The following SERPINB1 variants were observed in gnomAD, a reference collection of about 807,000 sequenced individuals.
SERPINB1 encodes leukocyte elastase inhibitor.
In SERPINB1, 23 loss-of-function variants were observed where a neutral mutation model predicts 25.9. The ratio of observed to expected loss-of-function variants is 0.89; its 90% CI spans 0.64 to 1.26. The LOEUF is 1.26. Among genes scored for constraint, SERPINB1 ranks in the 50% most tolerant of loss-of-function variants. The pLI is 0.00. For synonymous variants in SERPINB1, 178 were observed against 178.7 expected (o/e 1.00, Z 0.03); for missense variants, 399 against 463.6 (o/e 0.86, Z 1.28).
Position 2,840,538 on chromosome 6 carries a change from G to C in SERPINB1, c.49C>G (p.Leu17Val), listed in dbSNP as rs552426410. Reference protein sequence around the residue: ...ANTRFALDLFLALSENNPAGN... With the variant: ...ANTRFALDLFVALSENNPAGN... ...GCCGGATTGTTCTCACTCAACGCCA[G>C]GAACAGGTCCAAGGCGAAGCGGGTG... is the stretch of plus-strand genomic sequence containing the variant. The change falls in exon 2 of 7, where the codon CTG becomes GTG. Residue 17 changes from leucine (L) to valine (V), a missense_variant. Leu to Val is a conservative substitution (Grantham distance 32). Transcript: ENST00000380739. 3 of 1,614,204 alleles carry C rather than the reference G, an allele frequency of 1.9e-6. No individual in the cohort carries two copies. In the African/African-American group the frequency reaches 4.0e-5, roughly 22 times the overall value.
intron 1 of SERPINB1, among the ~76,000 whole-genome samples, chr6:2,840,970 C>T (rs1357288403): frequency 1.3e-5 from 2 of 152,182 alleles, no homozygotes; most frequent in African/African-American, 2.4e-5. Flanking sequence ...TGGGAGCGCA[C>T]GTGCTTCTGA....
In SERPINB1 at chr6:2,838,801, G is replaced by T. The variant is rs1019521718; in HGVS notation, c.169-115C>A. On this transcript the variant is annotated intron_variant, in intron 2 of 6. Coordinates refer to ENST00000380739, the MANE Select transcript of SERPINB1 (RefSeq NM_030666.4). ...TGTGTTTTTATTACTAATTATTGAT[G>T]ATCCCAAACCCAATACTTTATTAAT... 9 of 837,542 alleles carry T rather than the reference G, an allele frequency of 1.1e-5. No individual in the cohort carries two copies. The South Asian group carries it at 1.7e-4, about 15-fold the overall frequency. The allele number at this position is 837,542 out of a possible 1,614,324, so 51.9% of individuals were successfully genotyped here. A position where few individuals can be genotyped will look rare whatever the true frequency, so the allele number is the denominator to read the frequency against.
Position 2,832,937 on chromosome 6 carries a change from TC to T in SERPINB1, c.*670del, listed in dbSNP as rs1766378614. 1 of 152,254 alleles carries T rather than the reference TC, an allele frequency of 6.6e-6. No homozygotes were observed. The highest frequency in any genetic ancestry group is 2.4e-5 in the African/African-American group (1 of 41,458). The allele number at this position is 152,254 out of a possible 1,614,324, so 9.4% of individuals were successfully genotyped here. The stretch of plus-strand genomic sequence containing the variant: ...TGGTTATTTTTGTAGACTCTTGGTA[TC>T]TTTTATCCTAAGACACCCACTTCTT... On this transcript the variant is annotated 3_prime_UTR_variant, in exon 7 of 7. Coordinates refer to ENST00000380739, the MANE Select transcript of SERPINB1 (RefSeq NM_030666.4).
intron 2 of SERPINB1, among the ~76,000 whole-genome samples, chr6:2,839,110 T>C (rs923636166): frequency 2.6e-5 from 4 of 152,194 alleles, no homozygotes; most frequent in African/African-American, 9.7e-5. Context: ...ACCACAAAGA[T>C]AGTACAGACT....
chr6:2,833,748 C>T lies in SERPINB1; in HGVS notation c.1000G>A (p.Ala334Thr), dbSNP rs1766406684. The T allele has an allele frequency of 6.2e-7, 1 of 1,614,106 alleles. No individual in the cohort carries two copies. The highest frequency in any genetic ancestry group is 2.2e-5 in the East Asian group (1 of 44,890). Residue 334 changes from alanine (A) to threonine (T), a missense_variant, in exon 7 of 7, where the codon GCA becomes ACA. Ala to Thr is a moderately conservative substitution (Grantham distance 58). Transcript: ENST00000380739. The stretch of plus-strand genomic sequence containing the variant: ...GTTGCGATGCCTGCTGTGGCAGCTG[C>T]CGCCTCTGTTCCCTCTTCATTCACT... ...VEVNEEGTEA[A>T]AATAGIATFC...
chr6:2,834,310 T>TCCAC (rs56301805), intron 6 of SERPINB1, among the ~76,000 whole-genome samples: 67,658 of 150,096 alleles, frequency 0.45, 16,948 homozygotes, highest in Admixed American at 0.58. Flanking sequence ...CATCCATCCA[T>TCCAC]CCATCCATCC....
chr6:2,834,135 GC>G (rs199510856), intron 6 of SERPINB1, 123 bp from the exon 7 acceptor site: 1 of 917,318 alleles, frequency 1.1e-6, no homozygotes, highest in Non-Finnish European at 1.6e-6. Context: ...CATGTTTTGT[GC>G]CAAAACAGAT....
At position 2,833,286 on chromosome 6, in the gene SERPINB1, C is replaced by T. The variant is rs991704299; in HGVS notation, c.*322G>A. On this transcript the variant is annotated 3_prime_UTR_variant, in exon 7 of 7. Coordinates refer to ENST00000380739, the MANE Select transcript of SERPINB1 (RefSeq NM_030666.4). ...AAATGACCATCTTATCATGTTTTCC[C>T]ATGGCTATCAGGAGGATATAGCAAT... 2 of 213,876 alleles carry T rather than the reference C, an allele frequency of 9.4e-6. No individual in the cohort carries two copies. Among genetic ancestry groups the T allele is most frequent in the African/African-American group, 4.6e-5 (2 of 43,922 alleles). 13.2% of individuals were successfully genotyped at this position (213,876 alleles called of 1,614,324 possible). A position where few individuals can be genotyped will look rare whatever the true frequency, so the allele number is the denominator to read the frequency against.
chr6:2,834,313 AT>A (rs1766425760), intron 6 of SERPINB1, among the ~76,000 whole-genome samples: 2 of 149,378 alleles, frequency 1.3e-5, no homozygotes, highest in South Asian at 2.2e-4. Context: ...CCATCCATCC[AT>A]CCATCCATCC....
Position 2,840,479 on chromosome 6 carries a change from T to C in SERPINB1, c.108A>G (p.Ser36=), listed in dbSNP as rs1375781786. Residue 36 remains serine (S), a synonymous_variant, in exon 2 of 7, where the codon TCA becomes TCG. Transcript: ENST00000380739. ...CCAGAAAAACCATGGCCATAGCAGA[T>C]GAAATGCTGAAGGGAGAGATGAAGA... ...GNIFISPFSI[S]SAMAMVFLGT... 1.2e-6 allele frequency: 2 copies of C among 1,614,114 alleles called. No homozygotes were observed. Among genetic ancestry groups the C allele is most frequent in the Non-Finnish European group, 1.7e-6 (2 of 1,180,022 alleles).
chr6:2,834,081 T>C lies in SERPINB1; in HGVS notation c.736-69A>G, dbSNP rs1047863221. 3.6e-6 allele frequency: 5 copies of C among 1,381,060 alleles called. No homozygotes were observed. The African/African-American group carries it at 5.8e-5, about 16-fold the overall frequency. The allele number at this position is 1,381,060 out of a possible 1,614,324, so 85.6% of individuals were successfully genotyped here. A position where few individuals can be genotyped will look rare whatever the true frequency, so the allele number is the denominator to read the frequency against. On this transcript the variant is annotated intron_variant, in intron 6 of 6. Transcript: ENST00000380739. ...ACATAAGTAAGGCAATAAAGTATTA[T>C]TGAATCAATGGACCCATAATATCAG... is the stretch of plus-strand genomic sequence containing the variant.
At chr6:2,834,433 T>C (rs561406247) in intron 6 of SERPINB1, among the ~76,000 whole-genome samples, 27 of 150,568 alleles carry the variant, frequency 1.8e-4, no homozygotes, top group South Asian at 4.2e-4. Context: ...CTATTCATCA[T>C]CCATCTACCC....
chr6:2,839,892 T>C (rs1490830823), intron 2 of SERPINB1, among the ~76,000 whole-genome samples: 4 of 152,200 alleles, frequency 2.6e-5, no homozygotes, highest in Non-Finnish European at 4.4e-5. Context: ...CACTGAGCCA[T>C]GCGCAGCACC....
At chr6:2,835,766 C>CA in intron 6 of SERPINB1, 90 bp downstream of exon 6, 1 of 1,370,416 alleles carries the variant, frequency 7.3e-7, no homozygotes, top group Non-Finnish European at 1.0e-6. Context: ...CTGGAAAATG[C>CA]ACCATCAGTG....
intron 1 of SERPINB1, 29 bp from the exon 2 acceptor site, chr6:2,840,623 G>C: frequency 6.4e-7 from 1 of 1,565,418 alleles, no homozygotes; most frequent in Non-Finnish European, 8.6e-7. Flanking sequence ...TCCTCATGGT[G>C]CCCACTGCCC....
Position 2,837,994 on chromosome 6 carries a change from G to A in SERPINB1, c.312C>T (p.Phe104=). 1.2e-6 allele frequency: 2 copies of A among 1,607,776 alleles called. No homozygotes were observed. The highest frequency in any genetic ancestry group is 1.7e-6 in the Non-Finnish European group (2 of 1,176,036). The change falls in exon 4 of 7, where the codon TTC becomes TTT. Residue 104 remains phenylalanine, a synonymous_variant. Coordinates refer to ENST00000380739, the MANE Select transcript of SERPINB1 (RefSeq NM_030666.4). The surrounding 1 kb of genome is among the most constrained non-coding windows in gnomAD (Gnocchi z 4.3). ...CATATGTTTTCTGAGTCGAAACCAA[G>A]AACTCCTATTAAAAAAAAGGAAAAG... ...GEKTYNFLPE[F]LVSTQKTYGA...
chr6:2,840,398 C>CT (rs747125512), intron 2 of SERPINB1, 21 bp downstream of exon 2: 118 of 1,611,492 alleles, frequency 7.3e-5, no homozygotes, highest in Middle Eastern at 3.3e-4. Context: ...AAAGCAGACC[C>CT]TTTTTTTTGT....
rs1766619280 is a variant in SERPINB1 at position 2,840,567 on chromosome 6, G to A, written c.20C>T (p.Ala7Val). Residue 7 changes from alanine (A) to valine (V), a missense_variant, in exon 2 of 7, where the codon GCA becomes GTA. Coordinates refer to ENST00000380739, the MANE Select transcript of SERPINB1 (RefSeq NM_030666.4). MEQLSS[A>V]NTRFALDLFL... ...CAGGTCCAAGGCGAAGCGGGTGTTT[G>A]CTGAGCTCAGCTGCTCCATGGTGAA... 1.9e-6 allele frequency: 3 copies of A among 1,613,416 alleles called. No individual in the cohort carries two copies. Among genetic ancestry groups the A allele is most frequent in the Non-Finnish European group, 2.5e-6 (3 of 1,179,790 alleles).
rs140598424 is a variant in SERPINB1 at position 2,835,921 on chromosome 6, C to T, written c.670G>A (p.Glu224Lys). Residue 224 changes from glutamate to lysine, a missense_variant, in exon 6 of 7, where the codon GAG becomes AAG. Transcript: ENST00000380739. ...CRVLELPYQG[E>K]ELSMVILLPD... ...AGCAGGATGACCATGCTGAGCTCCT[C>T]GCCTTGGTAAGGCAGTTCCAGCACA... The T allele has an allele frequency of 2.7e-5, 44 of 1,614,040 alleles. No individual in the cohort carries two copies. Among genetic ancestry groups the T allele is most frequent in the South Asian group, 7.7e-5 (7 of 91,080 alleles).
Sources: allele counts gnomAD v4.1 joint callset (sites outside exome capture counted in the v4.1 genomes callset), GRCh38; gene constraint gnomAD v4.1.1; non-coding constraint Gnocchi (gnomAD v3.1); transcripts MANE v1.5; gene names NCBI Gene and HGNC (gene_info 2026-07-23, HGNC 2026-07-21).